The following OLR1 variants were observed in gnomAD, a reference collection of about 807,000 sequenced individuals.
OLR1 encodes the protein oxidized low density lipoprotein receptor 1.
In OLR1, 23 loss-of-function variants were observed where a neutral mutation model predicts 31.7. The observed-to-expected ratio is 0.72, with a 90% CI of 0.52 to 1.03. The LOEUF is 1.03. OLR1 is among the 50% of genes least tolerant of loss of function. OLR1 has a pLI of 0.00. For synonymous variants in OLR1, 117 were observed against 115.8 expected, an observed-to-expected ratio of 1.01 and a Z score of -0.07; for missense variants, 286 against 315.7, an observed-to-expected ratio of 0.91 and a Z score of 0.71.
chr12:10,165,898 G>A (rs11611453), intron 3 of OLR1, among the ~76,000 whole-genome samples: 10,270 of 152,222 alleles, frequency 0.067, 510 homozygotes, highest in South Asian at 0.21. Flanking sequence ...ACACAGCATA[G>A]GGTGGTTCTG....
At chr12:10,175,652 C>A (rs1948760233), upstream of OLR1, 1 of 152,254 alleles carries the variant, frequency 6.6e-6, no homozygotes. Context: ...GAAGCTGTCA[C>A]TCAATCCCTA....
In OLR1 at chr12:10,158,528, A is replaced by C. The variant is rs1380265633; in HGVS notation, c.*1352T>G. On this transcript the variant is annotated 3_prime_UTR_variant, in exon 6 of 6. Transcript: ENST00000309539. ...ACAAAAAAAAAAGACATACTATATG[A>C]TTCCATTCACATAAAACTACAAAAT... 2.0e-5 allele frequency: 3 copies of C among 152,212 alleles called. No homozygotes were observed. The highest frequency in any genetic ancestry group is 7.2e-5 in the African/African-American group (3 of 41,446). 9.4% of individuals were successfully genotyped at this position (152,212 alleles called of 1,614,324 possible).
At chr12:10,167,704 T>A (rs924983237) in intron 2 of OLR1, 1 of 152,182 alleles carries the variant, frequency 6.6e-6, no homozygotes, top group Non-Finnish European at 1.5e-5. Context: ...AACTGTGACA[T>A]ACACCCCTTT....
chr12:10,159,676 G>A lies in OLR1; in HGVS notation c.*204C>T, dbSNP rs942425571. ...GGCAGGGAAGCTTGGGACAAGCTAG[G>A]TGAAATAATACAGGTAGCTAGAATC... is the stretch of plus-strand genomic sequence containing the variant. On this transcript the variant is annotated 3_prime_UTR_variant, in exon 6 of 6. Coordinates refer to ENST00000309539, the MANE Select transcript of OLR1 (RefSeq NM_002543.4). The A allele has an allele frequency of 2.4e-5, 11 of 453,188 alleles. No homozygotes were observed. The East Asian group carries it at 3.5e-4, about 14-fold the overall frequency. The allele number at this position is 453,188 out of a possible 1,614,324, so 28.1% of individuals were successfully genotyped here.
chr12:10,166,656 T>C, intron 3 of OLR1, 56 bp downstream of exon 3: 10 of 1,601,676 alleles, frequency 6.2e-6, no homozygotes, highest in Non-Finnish European at 8.5e-6. Context: ...CAAAAAATAG[T>C]TATGATTGGA....
chr12:10,173,038 A>G (rs1247147161), upstream of OLR1, among the ~76,000 whole-genome samples: 1 of 152,228 alleles, frequency 6.6e-6, no homozygotes, highest in Admixed American at 6.5e-5. Context: ...CCAATAAATA[A>G]TAATTATTAG....
chr12:10,161,763 A>C (rs1948621701), intron 3 of OLR1, among the ~76,000 whole-genome samples: 1 of 152,050 alleles, frequency 6.6e-6, no homozygotes, highest in South Asian at 2.1e-4. Flanking sequence ...TTGAAAACTT[A>C]ATTTGAAAAA....
chr12:10,160,315 G>A (rs3816844), intron 5 of OLR1, 32 bp downstream of exon 5: 691,693 of 1,521,186 alleles, frequency 0.45, 164,037 homozygotes, highest in Admixed American at 0.52. Context: ...GGAAACTGAC[G>A]AGAGAGGCAT....
At chr12:10,163,655 G>A (rs1045909826) in intron 3 of OLR1, among the ~76,000 whole-genome samples, 16 of 151,652 alleles carry the variant, frequency 1.1e-4, no homozygotes, top group South Asian at 4.2e-4. Flanking sequence ...TTGGTGGGCC[G>A]GGCCTGGTGG....
chr12:10,165,465 T>C (rs1948653489), intron 3 of OLR1, among the ~76,000 whole-genome samples: 1 of 151,942 alleles, frequency 6.6e-6, no homozygotes, highest in African/African-American at 2.4e-5. Context: ...GTTGATGTAG[T>C]ACACTTTAAG....
chr12:10,171,538 G>T (rs1269952120), intron 1 of OLR1, among the ~76,000 whole-genome samples: 2 of 152,190 alleles, frequency 1.3e-5, no homozygotes, highest in East Asian at 3.8e-4. Flanking sequence ...GACTCTTACA[G>T]AAATTATCGT....
At chr12:10,171,321 A>G (rs1204976216) in intron 1 of OLR1, among the ~76,000 whole-genome samples, 1 of 152,182 alleles carries the variant, frequency 6.6e-6, no homozygotes, top group Non-Finnish European at 1.5e-5. Flanking sequence ...ATAGAATAAA[A>G]GGCAATTTAC....
intron 3 of OLR1, among the ~76,000 whole-genome samples, chr12:10,163,543 G>A (rs950170980): frequency 2.1e-4 from 31 of 148,556 alleles, no homozygotes; most frequent in Admixed American, 1.9e-3. Context: ...AGACTTTTTA[G>A]TAAAAAAGAT....
At chr12:10,168,302 T>C (rs1232661886) in intron 2 of OLR1, among the ~76,000 whole-genome samples, 1 of 138,732 alleles carries the variant, frequency 7.2e-6, no homozygotes, top group Non-Finnish European at 1.6e-5. Flanking sequence ...AAATGTTTTA[T>C]TTATTAAGAT....
In OLR1 at chr12:10,168,473, C is replaced by T. The variant is rs562689552; in HGVS notation, c.178+601G>A. Reference sequence around the variant, plus strand: ...CATCATTCTAGAATTTAAATAGGCTCTATCCATGAGGTTGGTTTTTTGTTT... The same window carrying T: ...CATCATTCTAGAATTTAAATAGGCTTTATCCATGAGGTTGGTTTTTTGTTT... On this transcript the variant is annotated intron_variant, in intron 2 of 5. Transcript: ENST00000309539. 2.6e-5 allele frequency among the ~76,000 whole-genome samples: 4 copies of T among 152,158 alleles called. No homozygotes were observed. The South Asian group carries it at 6.2e-4, about 24-fold the overall frequency.
chr12:10,166,631 G>T, intron 3 of OLR1, 81 bp downstream of exon 3: 1 of 1,498,328 alleles, frequency 6.7e-7, no homozygotes, highest in South Asian at 1.2e-5. Context: ...CCAATTTTGA[G>T]CCCAGAATTG....
chr12:10,163,666 C>T (rs997145716), intron 3 of OLR1, among the ~76,000 whole-genome samples: 3 of 151,792 alleles, frequency 2.0e-5, no homozygotes, highest in Non-Finnish European at 2.9e-5. Flanking sequence ...GGCCTGGTGG[C>T]TCACACCTGT....
rs1458660863 is a variant in OLR1, at chr12:10,164,424, TA to T, written c.424+2287del. 2.0e-5 allele frequency among the ~76,000 whole-genome samples: 3 copies of T among 152,204 alleles called. No individual in the cohort carries two copies. In the East Asian group the frequency reaches 5.8e-4, roughly 29 times the overall value. On this transcript the variant is annotated intron_variant, in intron 3 of 5. Transcript: ENST00000309539. ...AAGGGATTTACAAACTGCAAAACCT[TA>T]CACAAAATTACTTTTTATTATCATT... is the stretch of plus-strand genomic sequence containing the variant.
chr12:10,162,362 AG>A (rs1323570542), intron 3 of OLR1, among the ~76,000 whole-genome samples: 1 of 152,176 alleles, frequency 6.6e-6, no homozygotes, highest in African/African-American at 2.4e-5. Context: ...AGAAAATAGG[AG>A]GGACTGAAAA....
Sources: gnomAD v4.1 joint callset for allele counts (sites outside exome capture counted in the v4.1 genomes callset) on GRCh38, gnomAD v4.1.1 for gene constraint, MANE v1.5 for transcripts, NCBI Gene and HGNC (gene_info 2026-07-23, HGNC 2026-07-21) for gene names.